C13orf46: variants seen among roughly 807,000 people sequenced by gnomAD.
C13orf46 encodes chromosome 13 open reading frame 46.
chr13:113,934,942 C>T, the C13orf46 span, among the ~76,000 whole-genome samples: 125 of 152,308 alleles, frequency 8.2e-4, no homozygotes, highest in African/African-American at 2.8e-3. Flanking sequence ...GGAGTGAGGA[C>T]GAGGTATTGG....
the C13orf46 span, among the ~76,000 whole-genome samples, chr13:113,946,214 T>C: frequency 6.6e-6 from 1 of 152,232 alleles, no homozygotes; most frequent in Non-Finnish European, 1.5e-5. Context: ...CACCTAGCAC[T>C]GTACTCCCCA....
chr13:113,939,414 C>G, the C13orf46 span, among the ~76,000 whole-genome samples: 722 of 151,422 alleles, frequency 4.8e-3, 6 homozygotes, highest in African/African-American at 0.017. Flanking sequence ...GGGGAGGACG[C>G]AGACCACCCA....
chr13:113,927,280 G>A, the C13orf46 span: 1 of 356,044 alleles, frequency 2.8e-6, no homozygotes, highest in Admixed American at 4.7e-5. Context: ...TAAGGGTATG[G>A]GGACCTTCAT....
At chr13:113,936,563 G>A in the C13orf46 span, among the ~76,000 whole-genome samples, 1 of 152,338 alleles carries the variant, frequency 6.6e-6, no homozygotes, top group South Asian at 2.1e-4. Flanking sequence ...AGCTGCAATA[G>A]AGAAACAGTT....
intron 6 of C13orf46, among the ~76,000 whole-genome samples, chr13:113,961,541 C>T (rs1201872579): frequency 6.7e-6 from 1 of 148,292 alleles, no homozygotes; most frequent in African/African-American, 2.4e-5. Context: ...TAAGGTTTTG[C>T]ATCTGTAGTC....
the C13orf46 span, among the ~76,000 whole-genome samples, chr13:113,947,085 C>T: frequency 7.3e-4 from 111 of 152,342 alleles, no homozygotes; most frequent in Non-Finnish European, 1.2e-3. Context: ...AGCCTGGCAG[C>T]ACTACAGAAG....
At chr13:113,939,415 A>G in the C13orf46 span, among the ~76,000 whole-genome samples, 1 of 151,776 alleles carries the variant, frequency 6.6e-6, no homozygotes, top group Non-Finnish European at 1.5e-5. Context: ...GGGAGGACGC[A>G]GACCACCCAA....
rs2052632263 is a variant in C13orf46, at chr13:113,965,754, GGTGA to G, written c.505-764_505-761del. ...TGGTGAAGGTGATGATGGTGATGAT[GGTGA>G]TGGTGATGATGGTGATGGTGATGAT... On this transcript the variant is annotated intron_variant, in intron 5 of 6. Coordinates refer to ENST00000636427, the MANE Select transcript of C13orf46 (RefSeq NM_001365455.2). Among the ~76,000 whole-genome samples, 17 of 49,924 alleles carry G rather than the reference GGTGA, an allele frequency of 3.4e-4. 1 individual carries two copies. The highest frequency in any genetic ancestry group is 1.3e-3 in the East Asian group (3 of 2,332). 32.8% of individuals were successfully genotyped at this position (49,924 alleles called of 152,430 possible).
chr13:113,946,987 T>G, the C13orf46 span, among the ~76,000 whole-genome samples: 1 of 152,218 alleles, frequency 6.6e-6, no homozygotes, highest in Non-Finnish European at 1.5e-5. Flanking sequence ...GCTGGGGCTG[T>G]CTCTTCCCTC....
At chr13:113,946,289 C>T in the C13orf46 span, among the ~76,000 whole-genome samples, 3 of 152,188 alleles carry the variant, frequency 2.0e-5, no homozygotes, top group Non-Finnish European at 4.4e-5. Context: ...GAGAAGCACA[C>T]GCACCCCTCT....
chr13:113,943,296 C>A, the C13orf46 span, among the ~76,000 whole-genome samples: 1 of 152,152 alleles, frequency 6.6e-6, no homozygotes, highest in Non-Finnish European at 1.5e-5. Context: ...GAGAATGAGA[C>A]TTCAGGCAAT....
chr13:113,956,918 AC>A (rs1465875017), intron 6 of C13orf46, 79 bp from the exon 7 acceptor site: 340 of 152,416 alleles, frequency 2.2e-3, no homozygotes, highest in Non-Finnish European at 4.4e-3. Context: ...CGAGAGCAGC[AC>A]CCCCAACCTG....
At chr13:113,950,983 G>A (rs929487206), downstream of C13orf46, among the ~76,000 whole-genome samples, 16 of 152,230 alleles carry the variant, frequency 1.1e-4, no homozygotes, top group Non-Finnish European at 2.2e-4. Flanking sequence ...GGATGTCCAC[G>A]GCTGAGGGTT....
At chr13:113,949,470 G>A (rs1215428937), downstream of C13orf46, among the ~76,000 whole-genome samples, 5 of 152,216 alleles carry the variant, frequency 3.3e-5, no homozygotes, top group African/African-American at 7.2e-5. Context: ...AGTGTCAGAA[G>A]AGTGTGTGTG....
the C13orf46 span, among the ~76,000 whole-genome samples, chr13:113,935,131 G>C: frequency 1.7e-4 from 26 of 152,372 alleles, no homozygotes; most frequent in African/African-American, 3.1e-4. Context: ...CAGCCCGAGG[G>C]GGGGAACAGT....
chr13:113,946,170 G>A, the C13orf46 span, among the ~76,000 whole-genome samples: 3 of 152,304 alleles, frequency 2.0e-5, no homozygotes, highest in Admixed American at 6.5e-5. Flanking sequence ...CTTTATTTGC[G>A]CCCCGCTGTG....
downstream of C13orf46, among the ~76,000 whole-genome samples, chr13:113,953,158 GGT>G: frequency 6.6e-6 from 1 of 152,318 alleles, no homozygotes; most frequent in South Asian, 2.1e-4. Flanking sequence ...CCATTCCTTG[GGT>G]GTGTGGCTGC....
the C13orf46 span, among the ~76,000 whole-genome samples, chr13:113,945,644 GA>G: frequency 7.3e-6 from 1 of 137,306 alleles, no homozygotes; most frequent in East Asian, 2.0e-4. Flanking sequence ...AAGAAAGAAA[GA>G]AAGAAAGAAA....
At chr13:113,966,625 G>GTGA (rs1271801672) in intron 5 of C13orf46, among the ~76,000 whole-genome samples, 19 of 151,640 alleles carry the variant, frequency 1.3e-4, no homozygotes, top group South Asian at 2.1e-4. Context: ...GGTCATGATA[G>GTGA]TGATGATGAT....
Sources: allele counts gnomAD v4.1 joint callset (sites outside exome capture counted in the v4.1 genomes callset), GRCh38; gene constraint gnomAD v4.1.1; transcripts MANE v1.5; gene names NCBI Gene and HGNC (gene_info 2026-07-23, HGNC 2026-07-21).